CRPPA: variants seen among roughly 807,000 people sequenced by gnomAD.
The protein encoded by CRPPA is D-ribitol-5-phosphate cytidylyltransferase.
In CRPPA, 43 loss-of-function variants were observed where a neutral mutation model predicts 52.0. That is an observed-to-expected ratio of 0.83 (90% CI 0.65 to 1.07). The LOEUF (loss-of-function observed/expected upper bound fraction) is 1.07, where lower values mean the gene tolerates loss of function less well. Among genes scored for constraint, CRPPA ranks in the 50% least tolerant of loss-of-function variants. The probability of loss-of-function intolerance (pLI) is 0.00; values close to 1 mark genes in which losing one functional copy is unlikely to be tolerated. For synonymous variants in CRPPA, 250 were observed against 203.5 expected, an observed-to-expected ratio of 1.23 and a Z score of -1.94; for missense variants, 629 against 551.7, an observed-to-expected ratio of 1.14 and a Z score of -1.40.
intron 9 of CRPPA, among the ~76,000 whole-genome samples, chr7:16,095,968 G>C (rs529706394): frequency 1.6e-4 from 25 of 152,260 alleles, no homozygotes; most frequent in African/African-American, 6.0e-4. Context: ...CTGTGCCAAG[G>C]AGCAGGAGGT....
intron 4 of CRPPA, among the ~76,000 whole-genome samples, chr7:16,304,524 C>G (rs533220677): frequency 6.4e-4 from 98 of 152,198 alleles, no homozygotes; most frequent in South Asian, 4.4e-3. Flanking sequence ...ACCTATAGTC[C>G]TAGCTATTTG....
At chr7:16,408,628 T>G (rs1178602897) in intron 1 of CRPPA, among the ~76,000 whole-genome samples, 1 of 152,200 alleles carries the variant, frequency 6.6e-6, no homozygotes, top group African/African-American at 2.4e-5. Context: ...TAATAGGAGT[T>G]TTTGGTAAAC....
At position 16,209,273 on chromosome 7, in the gene CRPPA, C is replaced by CTTT. The variant is rs34795937; in HGVS notation, c.1251+6790_1251+6792dup. 5.9e-3 allele frequency: 723 copies of CTTT among 123,042 alleles called. 21 individuals are homozygous for CTTT. Among genetic ancestry groups the CTTT allele is most frequent in the African/African-American group, 0.017 (577 of 34,604 alleles). 7.6% of individuals were successfully genotyped at this position (123,042 alleles called of 1,614,324 possible). ...GGCCAAGTAATACGGTTCTAAGTGT[C>CTTT]TTTTTTTTTTTTTTTTTGAGACGAG... On this transcript the variant is annotated intron_variant, in intron 9 of 9. Transcript: ENST00000407010.
At chr7:16,112,267 A>C (rs1181612730) in intron 9 of CRPPA, among the ~76,000 whole-genome samples, 6 of 152,090 alleles carry the variant, frequency 3.9e-5, no homozygotes, top group Non-Finnish European at 8.8e-5. Context: ...GTAAGCCGAG[A>C]TTGTGCCACT....
chr7:16,246,085 G>T (rs1219343721), intron 8 of CRPPA, among the ~76,000 whole-genome samples: 1 of 152,082 alleles, frequency 6.6e-6, no homozygotes, highest in African/African-American at 2.4e-5. Context: ...CTGTTTGATA[G>T]CATTTGACCC....
intron 2 of CRPPA, among the ~76,000 whole-genome samples, chr7:16,403,667 T>A (rs1787884854): frequency 6.6e-6 from 1 of 152,230 alleles, no homozygotes; most frequent in Non-Finnish European, 1.5e-5. Context: ...TATGTTTTTA[T>A]GATAGTAAGT....
At chr7:16,341,923 C>T (rs976149476) in intron 3 of CRPPA, among the ~76,000 whole-genome samples, 1 of 152,088 alleles carries the variant, frequency 6.6e-6, no homozygotes, top group Admixed American at 6.5e-5. Context: ...TTTCTCTAGT[C>T]ATTTCTTCCC....
intron 5 of CRPPA, among the ~76,000 whole-genome samples, chr7:16,285,633 C>G (rs759342618): frequency 1.3e-5 from 2 of 151,912 alleles, no homozygotes; most frequent in Non-Finnish European, 2.9e-5. Flanking sequence ...TATTGAAAAC[C>G]GTAAGCACTA....
intron 2 of CRPPA, among the ~76,000 whole-genome samples, chr7:16,385,928 G>C (rs910041521): frequency 3.9e-4 from 59 of 152,256 alleles, no homozygotes; most frequent in Admixed American, 1.8e-3. Flanking sequence ...TAGCGTCTAG[G>C]GGTGGGTACC....
At chr7:16,262,378 C>T (rs1317507159) in intron 6 of CRPPA, among the ~76,000 whole-genome samples, 2 of 152,100 alleles carry the variant, frequency 1.3e-5, no homozygotes, top group Non-Finnish European at 2.9e-5. Context: ...GCGACTAGTT[C>T]TTTAATAGCG....
At chr7:16,401,076 C>T (rs1433715005) in intron 2 of CRPPA, among the ~76,000 whole-genome samples, 1 of 152,182 alleles carries the variant, frequency 6.6e-6, no homozygotes, top group Non-Finnish European at 1.5e-5. Context: ...TGCTTGAACT[C>T]AATCTTCAGC....
At position 16,325,369 on chromosome 7, in the gene CRPPA, C is replaced by A. The variant is rs1785359294; in HGVS notation, c.685-16742G>T. 2.6e-5 allele frequency among the ~76,000 whole-genome samples: 4 copies of A among 152,152 alleles called. No homozygotes were observed. The South Asian group carries it at 8.3e-4, about 32-fold the overall frequency. ...GATTTGTCATAAGGAAGGAAAAAGC[C>A]TAGAAATAACTCAGGTCTCAGCAAC... On this transcript the variant is annotated intron_variant, in intron 3 of 9. Coordinates refer to ENST00000407010, the MANE Select transcript of CRPPA (RefSeq NM_001101426.4).
chr7:16,376,343 C>A, intron 2 of CRPPA, 102 bp from the exon 3 acceptor site: 1 of 1,133,164 alleles, frequency 8.8e-7, no homozygotes, highest in Non-Finnish European at 1.2e-6. Context: ...TTCATACCTT[C>A]AACAAGCTAC....
intron 2 of CRPPA, among the ~76,000 whole-genome samples, chr7:16,385,849 G>A (rs578079968): frequency 1.3e-5 from 2 of 152,318 alleles, no homozygotes; most frequent in South Asian, 4.1e-4. Flanking sequence ...AACCCCTTAT[G>A]GGATGGGGAG....
chr7:16,420,332 A>G (rs1476600770), intron 1 of CRPPA, among the ~76,000 whole-genome samples: 3 of 152,098 alleles, frequency 2.0e-5, no homozygotes, highest in Non-Finnish European at 2.9e-5. Context: ...CCTCGCCCCA[A>G]GCTCCACCTC....
chr7:16,412,560 T>C (rs1261181158), intron 1 of CRPPA, among the ~76,000 whole-genome samples: 2 of 152,224 alleles, frequency 1.3e-5, no homozygotes, highest in African/African-American at 2.4e-5. Flanking sequence ...AAGTACTGTT[T>C]GTATTTCTAA....
chr7:16,384,949 G>C (rs1035802914), intron 2 of CRPPA, among the ~76,000 whole-genome samples: 1 of 152,164 alleles, frequency 6.6e-6, no homozygotes, highest in African/African-American at 2.4e-5. Flanking sequence ...ACTTAAAGCA[G>C]TAAGGCAAGG....
chr7:16,114,022 T>C (rs10238010), intron 9 of CRPPA, among the ~76,000 whole-genome samples: 2,419 of 152,074 alleles, frequency 0.016, 60 homozygotes, highest in African/African-American at 0.055. Flanking sequence ...AACAGTAGCA[T>C]AAAAGTTAGG....
At chr7:16,294,923 C>G (rs1369113782) in intron 5 of CRPPA, among the ~76,000 whole-genome samples, 1 of 152,012 alleles carries the variant, frequency 6.6e-6, no homozygotes, top group African/African-American at 2.4e-5. Flanking sequence ...AACAAACAAT[C>G]TTGCACTTCA....
Sources: gnomAD v4.1 joint callset for allele counts (sites outside exome capture counted in the v4.1 genomes callset) on GRCh38, gnomAD v4.1.1 for gene constraint, MANE v1.5 for transcripts, NCBI Gene and HGNC (gene_info 2026-07-23, HGNC 2026-07-21) for gene names.